CASP6: variants seen among roughly 807,000 people sequenced by gnomAD.
CASP6 encodes the protein caspase 6.
CASP6 carries 20 observed loss-of-function variants against 31.8 expected under a neutral mutation model. The ratio of observed to expected loss-of-function variants is 0.63; its 90% CI spans 0.44 to 0.91. The LOEUF (loss-of-function observed/expected upper bound fraction) is 0.91. Among genes scored for constraint, CASP6 ranks in the 40% least tolerant of loss-of-function variants. The probability of loss-of-function intolerance (pLI) is 0.00; values close to 1 mark genes in which losing one functional copy is unlikely to be tolerated. For missense variants in CASP6, 328 were observed against 361.1 expected (o/e 0.91, Z 0.74); for synonymous variants, 130 against 127.8 (o/e 1.02, Z -0.12).
chr4:109,688,895 T>TTCTCA lies in CASP6; in HGVS notation c.*434_*435insTGAGA, dbSNP rs1729930530. On this transcript the variant is annotated 3_prime_UTR_variant, in exon 7 of 7. Coordinates refer to ENST00000265164, the MANE Select transcript of CASP6 (RefSeq NM_001226.4). ...TTTTTTTTTTTTTAAGGCAGTTCTC[T>TTCTCA]GCTAGGCATTAAACTTTAAAACATT... is the stretch of plus-strand genomic sequence containing the variant. 6.6e-6 allele frequency: 1 copy of TTCTCA among 152,144 alleles called. No individual in the cohort carries two copies. Among genetic ancestry groups the TTCTCA allele is most frequent in the Non-Finnish European group, 1.5e-5 (1 of 68,388 alleles). 9.4% of individuals were successfully genotyped at this position (152,144 alleles called of 1,614,324 possible).
At chr4:109,708,333 G>T (rs1258958802), upstream of CASP6, among the ~76,000 whole-genome samples, 1 of 152,216 alleles carries the variant, frequency 6.6e-6, no homozygotes, top group Non-Finnish European at 1.5e-5. Context: ...ATTGGGTTAA[G>T]TGACTGTGAA....
downstream of CASP6, chr4:109,687,374 A>G (rs1048232564): frequency 3.4e-6 from 2 of 585,412 alleles, no homozygotes; most frequent in African/African-American, 3.8e-5. Flanking sequence ...AAATATATAT[A>G]TATTTCAGCC....
At chr4:109,674,169 G>A in the CASP6 span, 13 of 923,034 alleles carry the variant, frequency 1.4e-5, no homozygotes, top group Middle Eastern at 3.2e-4. Flanking sequence ...TTAGTTAGAC[G>A]TCTCATTATT....
upstream of CASP6, among the ~76,000 whole-genome samples, chr4:109,708,484 T>G (rs976314930): frequency 2.0e-5 from 3 of 152,254 alleles, no homozygotes; most frequent in Admixed American, 6.5e-5. Context: ...GCTCAATATT[T>G]AGCCATTGAC....
intron 1 of CASP6, among the ~76,000 whole-genome samples, chr4:109,698,872 C>G (rs565406008): frequency 6.6e-6 from 1 of 152,190 alleles, no homozygotes; most frequent in Non-Finnish European, 1.5e-5. Flanking sequence ...CATTTCCAAC[C>G]CTGTAAGGGG....
the CASP6 span, among the ~76,000 whole-genome samples, chr4:109,680,095 C>A: frequency 8.8e-4 from 134 of 152,286 alleles, no homozygotes; most frequent in African/African-American, 3.1e-3. Context: ...AACCACCTCA[C>A]CTGGCCTGAG....
At chr4:109,700,667 C>T (rs1411768802) in intron 1 of CASP6, among the ~76,000 whole-genome samples, 1 of 152,124 alleles carries the variant, frequency 6.6e-6, no homozygotes, top group Non-Finnish European at 1.5e-5. Context: ...CATCCCAATT[C>T]TGATGCTGGC....
the CASP6 span, among the ~76,000 whole-genome samples, chr4:109,666,980 T>G: frequency 6.6e-6 from 1 of 152,172 alleles, no homozygotes; most frequent in African/African-American, 2.4e-5. Flanking sequence ...ATTGTTGTAT[T>G]TTATTTGCTA....
the CASP6 span, among the ~76,000 whole-genome samples, chr4:109,667,546 T>C: frequency 6.6e-6 from 1 of 151,592 alleles, no homozygotes; most frequent in Non-Finnish European, 1.5e-5. Context: ...TTAACATCAT[T>C]GATTTTTCTC....
chr4:109,696,380 G>A (rs1403277417), intron 4 of CASP6, 30 bp downstream of exon 4: 3 of 1,507,078 alleles, frequency 2.0e-6, no homozygotes, highest in Non-Finnish European at 2.8e-6. Context: ...ATTAGAGGAA[G>A]ATGAACTATA....
the CASP6 span, among the ~76,000 whole-genome samples, chr4:109,668,574 GT>G: frequency 6.6e-6 from 1 of 151,888 alleles, no homozygotes; most frequent in South Asian, 2.1e-4. Flanking sequence ...TTGGATCTGG[GT>G]TTTTGACCCA....
At chr4:109,694,354 G>A (rs1730171425) in intron 5 of CASP6, among the ~76,000 whole-genome samples, 171 bp downstream of exon 5, 1 of 152,180 alleles carries the variant, frequency 6.6e-6, no homozygotes, top group Non-Finnish European at 1.5e-5. Flanking sequence ...GACAATGAGA[G>A]TGTCAAAGAA....
chr4:109,704,569 CAG>C (rs1730540996), upstream of CASP6, among the ~76,000 whole-genome samples: 1 of 152,184 alleles, frequency 6.6e-6, no homozygotes, highest in Non-Finnish European at 1.5e-5. Flanking sequence ...TGGAAGCTAG[CAG>C]AGAGGATGGT....
chr4:109,690,549 A>G (rs1399636334), intron 6 of CASP6, among the ~76,000 whole-genome samples: 1 of 152,032 alleles, frequency 6.6e-6, no homozygotes, highest in East Asian at 1.9e-4. Flanking sequence ...AAAGCTTTCC[A>G]TGACAATTAC....
the CASP6 span, chr4:109,681,343 T>C: frequency 2.9e-6 from 1 of 340,798 alleles, no homozygotes. Flanking sequence ...CAAAAGCTAC[T>C]AAAGTTTGTC....
At chr4:109,709,400 AT>A in the CASP6 span, among the ~76,000 whole-genome samples, 1 of 152,164 alleles carries the variant, frequency 6.6e-6, no homozygotes, top group Admixed American at 6.6e-5. Context: ...CCCACAGCAA[AT>A]CCATTAAAAT....
the CASP6 span, chr4:109,664,420 TAC>T: frequency 5.4e-5 from 45 of 832,182 alleles, no homozygotes; most frequent in South Asian, 3.2e-4. Flanking sequence ...ATCCAACTAT[TAC>T]TTTTTTTTTT....
At chr4:109,698,432 C>G in intron 1 of CASP6, 90 bp from the exon 2 acceptor site, 1 of 1,060,940 alleles carries the variant, frequency 9.4e-7, no homozygotes, top group Non-Finnish European at 1.4e-6. Flanking sequence ...GACTCCCAAA[C>G]TCTTAAGACC....
chr4:109,708,711 T>C, the CASP6 span, among the ~76,000 whole-genome samples: 10 of 152,374 alleles, frequency 6.6e-5, no homozygotes, highest in Admixed American at 5.2e-4. Flanking sequence ...AAGTATCTTA[T>C]TATCTCAACA....
Sources: allele counts gnomAD v4.1 joint callset (sites outside exome capture counted in the v4.1 genomes callset), GRCh38; gene constraint gnomAD v4.1.1; transcripts MANE v1.5; gene names NCBI Gene and HGNC (gene_info 2026-07-23, HGNC 2026-07-21).